TBC1D8: variants seen among roughly 807,000 people sequenced by gnomAD.
TBC1D8 encodes BUB2-like protein 1.
In TBC1D8, 65 loss-of-function variants were observed where a neutral mutation model predicts 118.8. The ratio of observed to expected loss-of-function variants is 0.55; its 90% CI spans 0.45 to 0.67. TBC1D8 has a LOEUF of 0.67. Among genes scored for constraint, TBC1D8 ranks in the 30% least tolerant of loss-of-function variants. The probability of loss-of-function intolerance (pLI) is 0.00; values close to 1 mark genes in which losing one functional copy is unlikely to be tolerated. For synonymous variants in TBC1D8, 566 were observed against 595.8 expected (o/e 0.95, Z 0.73); for missense variants, 1,376 against 1,471.2 (o/e 0.94, Z 1.06).
At chr2:101,024,776 A>T (rs1432291720) in intron 15 of TBC1D8, among the ~76,000 whole-genome samples, 1 of 152,162 alleles carries the variant, frequency 6.6e-6, no homozygotes, top group Non-Finnish European at 1.5e-5. Flanking sequence ...TACGTCACCC[A>T]TGACCCAACA....
chr2:101,081,486 C>CTGCAAAGCAGTGAGTGTTAT (rs1675263147), intron 2 of TBC1D8, among the ~76,000 whole-genome samples: 1 of 152,248 alleles, frequency 6.6e-6, no homozygotes, highest in Non-Finnish European at 1.5e-5. Context: ...AAACTTGGAT[C>CTGCAAAGCAGTGAGTGTTAT]TGCAAAGCAG....
At chr2:101,020,116 A>G (rs1376263645) in intron 17 of TBC1D8, among the ~76,000 whole-genome samples, 1 of 151,688 alleles carries the variant, frequency 6.6e-6, no homozygotes, top group Non-Finnish European at 1.5e-5. Context: ...TCAAAAATCA[A>G]TCTTAGATGA....
At chr2:101,121,401 C>A (rs1056467819) in intron 1 of TBC1D8, among the ~76,000 whole-genome samples, 1 of 152,190 alleles carries the variant, frequency 6.6e-6, no homozygotes, top group East Asian at 1.9e-4. Flanking sequence ...AGTCCTATCC[C>A]CGGGGCTCAG....
intron 1 of TBC1D8, among the ~76,000 whole-genome samples, chr2:101,092,872 G>C (rs898447529): frequency 9.2e-5 from 14 of 152,132 alleles, no homozygotes; most frequent in African/African-American, 2.7e-4. Flanking sequence ...TCAGTGTACA[G>C]AGCCAGGAAA....
chr2:101,033,363 A>G (rs755751407), intron 10 of TBC1D8, 181 bp downstream of exon 10: 62 of 739,894 alleles, frequency 8.4e-5, no homozygotes, highest in Non-Finnish European at 1.4e-4. Context: ...TCCGTTGATT[A>G]TAAGATGAGT....
chr2:101,147,344 G>A (rs149044199), intron 1 of TBC1D8, among the ~76,000 whole-genome samples: 97 of 152,250 alleles, frequency 6.4e-4, no homozygotes, highest in Middle Eastern at 3.4e-3. Flanking sequence ...TAGCGGGACG[G>A]CAGGATCATG....
chr2:101,088,229 G>T (rs1418372084), intron 2 of TBC1D8, among the ~76,000 whole-genome samples: 1 of 152,020 alleles, frequency 6.6e-6, no homozygotes, highest in African/African-American at 2.4e-5. Context: ...TGGGATTTGG[G>T]GAGATAGATA....
At chr2:101,009,892 G>T (rs1250190974) in intron 19 of TBC1D8, among the ~76,000 whole-genome samples, 10 of 150,838 alleles carry the variant, frequency 6.6e-5, no homozygotes, top group African/African-American at 2.4e-4. Context: ...TGCGATCTCG[G>T]CTCACTGCAA....
At position 101,100,785 on chromosome 2, in the gene TBC1D8, G is replaced by A. The variant is rs1044620898; in HGVS notation, c.128-10421C>T. Among the ~76,000 whole-genome samples the A allele has an allele frequency of 2.6e-5, 4 of 152,158 alleles. No individual in the cohort carries two copies. In the East Asian group the frequency reaches 5.8e-4, roughly 22 times the overall value. On this transcript the variant is annotated intron_variant, in intron 1 of 19. Coordinates refer to ENST00000409318, the MANE Select transcript of TBC1D8 (RefSeq NM_001330348.2). ...ACAAACCTGACAAAAATAAGCAATC[G>A]GGAAAGGATCTCCTACTCAGTAAAT...
intron 11 of TBC1D8, among the ~76,000 whole-genome samples, chr2:101,030,154 T>C (rs1369035923): frequency 6.6e-6 from 1 of 152,174 alleles, no homozygotes; most frequent in Admixed American, 6.5e-5. Context: ...ACATAAAAAG[T>C]ACTAACCATA....
At chr2:101,150,035 G>T (rs1321346852) in intron 1 of TBC1D8, among the ~76,000 whole-genome samples, 1 of 152,328 alleles carries the variant, frequency 6.6e-6, no homozygotes, top group African/African-American at 2.4e-5. Context: ...CGGTCTCAGT[G>T]TAAGTCTGCA....
intron 14 of TBC1D8, 131 bp from the exon 15 acceptor site, chr2:101,027,582 CT>C (rs986982226): frequency 2.7e-6 from 2 of 743,884 alleles, no homozygotes; most frequent in African/African-American, 3.5e-5. Flanking sequence ...CACAAAGGCT[CT>C]TTTCTGACAT....
intron 2 of TBC1D8, among the ~76,000 whole-genome samples, chr2:101,080,638 C>A (rs2105446939): frequency 6.6e-6 from 1 of 152,310 alleles, no homozygotes; most frequent in South Asian, 2.1e-4. Flanking sequence ...GCAGCCCTGG[C>A]AAGTCCCTGA....
intron 4 of TBC1D8, among the ~76,000 whole-genome samples, chr2:101,053,752 G>T (rs1468346556): frequency 6.6e-6 from 1 of 152,128 alleles, no homozygotes; most frequent in African/African-American, 2.4e-5. Context: ...TCAGCGCCAG[G>T]AATTTTTTTA....
At chr2:101,125,215 G>C (rs1410907221) in intron 1 of TBC1D8, among the ~76,000 whole-genome samples, 2 of 152,066 alleles carry the variant, frequency 1.3e-5, no homozygotes, top group Non-Finnish European at 2.9e-5. Context: ...CCGGGGCCAG[G>C]GTTCAGATTC....
chr2:101,117,223 A>T (rs918830315), intron 1 of TBC1D8, among the ~76,000 whole-genome samples: 2 of 152,174 alleles, frequency 1.3e-5, no homozygotes, highest in Admixed American at 1.3e-4. Flanking sequence ...TGGACAACAG[A>T]ACTGTGGTTT....
intron 2 of TBC1D8, among the ~76,000 whole-genome samples, chr2:101,088,281 ACT>A (rs1361024958): frequency 4.1e-5 from 6 of 147,656 alleles, no homozygotes; most frequent in Non-Finnish European, 8.9e-5. Context: ...TTTGACACAC[ACT>A]CTCTCTCTCT....
chr2:101,007,845 A>AGAT lies in TBC1D8; in HGVS notation c.3441_3443dup (p.Ser1148dup). ...GCTACAAGTTACTCAGCTTAAGTTC[A>AGAT]GATTGTGATTGGTGGCTCATTTCAA... On this transcript the variant is annotated inframe_insertion, in exon 20 of 20. Coordinates refer to ENST00000409318, the MANE Select transcript of TBC1D8 (RefSeq NM_001330348.2). The AGAT allele has an allele frequency of 6.2e-7, 1 of 1,613,562 alleles. No homozygotes were observed. Among genetic ancestry groups the AGAT allele is most frequent in the Non-Finnish European group, 8.5e-7 (1 of 1,179,870 alleles).
Position 101,043,816 on chromosome 2 carries a change from T to C in TBC1D8, c.873-3431A>G, listed in dbSNP as rs568307086. On this transcript the variant is annotated intron_variant, in intron 5 of 19. Coordinates refer to ENST00000409318, the MANE Select transcript of TBC1D8 (RefSeq NM_001330348.2). ...TTAACTGGGCATGGTGACGGGTGCC[T>C]GTAAACCCAGCTGCTCAGGAGGCTG... is the stretch of plus-strand genomic sequence containing the variant. Among the ~76,000 whole-genome samples the C allele has an allele frequency of 2.0e-5, 3 of 152,194 alleles. No homozygotes were observed. In the East Asian group the frequency reaches 5.8e-4, roughly 29 times the overall value.
Sources: gnomAD v4.1 joint callset for allele counts (sites outside exome capture counted in the v4.1 genomes callset) on GRCh38, gnomAD v4.1.1 for gene constraint, MANE v1.5 for transcripts, NCBI Gene and HGNC (gene_info 2026-07-23, HGNC 2026-07-21) for gene names.